Variants in PPM1H observed in about 807,000 individuals in gnomAD.
PPM1H encodes the protein protein phosphatase, Mg2+/Mn2+ dependent 1H, also known as protein phosphatase 1H.
PPM1H carries 27 observed loss-of-function variants against 54.9 expected under a neutral mutation model. The ratio of observed to expected loss-of-function variants is 0.49; its 90% CI spans 0.36 to 0.68. The LOEUF is 0.68. Ranked by LOEUF, PPM1H falls within the 30% of genes least tolerant of loss-of-function variation. The pLI is 0.00. For synonymous variants in PPM1H, 305 were observed against 270.8 expected (o/e 1.13, Z -1.24); for missense variants, 596 against 667.8 (o/e 0.89, Z 1.19).
intron 4 of PPM1H, among the ~76,000 whole-genome samples, chr12:62,773,149 AAAAACAAAACAAAAC>A (rs376689900): frequency 1.4e-4 from 22 of 152,060 alleles, no homozygotes; most frequent in Non-Finnish European, 2.2e-4. Context: ...TCCGTCTCAA[AAAAACAAAACAAAAC>A]AAAACAAAAC....
intron 4 of PPM1H, among the ~76,000 whole-genome samples, chr12:62,740,110 C>T (rs57607888): frequency 3.5e-4 from 54 of 152,332 alleles, no homozygotes; most frequent in African/African-American, 1.1e-3. Flanking sequence ...TCTCCTAATC[C>T]GAACTCCACC....
At chr12:62,847,258 G>A (rs532038248) in intron 1 of PPM1H, among the ~76,000 whole-genome samples, 40 of 152,320 alleles carry the variant, frequency 2.6e-4, no homozygotes, top group African/African-American at 8.7e-4. Flanking sequence ...AGTTCTAGGT[G>A]TTCCCAAGAC....
intron 1 of PPM1H, among the ~76,000 whole-genome samples, chr12:62,847,336 A>G (rs1056311645): frequency 2.0e-5 from 3 of 152,196 alleles, no homozygotes; most frequent in African/African-American, 4.8e-5. Flanking sequence ...ATGGCTGTCA[A>G]TTGCAAGCTA....
intron 1 of PPM1H, among the ~76,000 whole-genome samples, chr12:62,846,512 A>AATT (rs1491275246): frequency 1.6e-4 from 24 of 145,844 alleles, no homozygotes; most frequent in African/African-American, 6.0e-4. Flanking sequence ...AAAAAAAAAA[A>AATT]TTTTTTTTTT....
chr12:62,655,358 G>T (rs1283346435), intron 9 of PPM1H, among the ~76,000 whole-genome samples: 1 of 152,152 alleles, frequency 6.6e-6, no homozygotes, highest in Non-Finnish European at 1.5e-5. Context: ...CAAGACTGGG[G>T]CAAGAACAAA....
intron 4 of PPM1H, among the ~76,000 whole-genome samples, chr12:62,787,433 T>C (rs776234179): frequency 1.1e-4 from 17 of 152,172 alleles, no homozygotes; most frequent in Non-Finnish European, 1.6e-4. Context: ...ATGAAAGCGG[T>C]GGAGAAGTGT....
chr12:62,728,356 G>A (rs1397715458), intron 5 of PPM1H, among the ~76,000 whole-genome samples: 1 of 152,198 alleles, frequency 6.6e-6, no homozygotes, highest in Non-Finnish European at 1.5e-5. Flanking sequence ...TGGAACAACT[G>A]ACTGTGTCAG....
At chr12:62,768,602 C>T (rs1230644671) in intron 4 of PPM1H, among the ~76,000 whole-genome samples, 1 of 151,940 alleles carries the variant, frequency 6.6e-6, no homozygotes, top group African/African-American at 2.4e-5. Flanking sequence ...TTGCAGTGAG[C>T]CGAGATCCCG....
intron 4 of PPM1H, among the ~76,000 whole-genome samples, chr12:62,785,100 T>A (rs2076662967): frequency 6.6e-6 from 1 of 152,374 alleles, no homozygotes; most frequent in African/African-American, 2.4e-5. Context: ...TGATTTTTTT[T>A]TAAATGTTTT....
intron 9 of PPM1H, among the ~76,000 whole-genome samples, chr12:62,662,349 C>T (rs2075889241): frequency 6.6e-6 from 1 of 152,178 alleles, no homozygotes; most frequent in Non-Finnish European, 1.5e-5. Context: ...AGGCGAAAAA[C>T]ACATTCAAAT....
At chr12:62,649,918 A>G (rs1315005302) in intron 9 of PPM1H, among the ~76,000 whole-genome samples, 1 of 152,214 alleles carries the variant, frequency 6.6e-6, no homozygotes, top group Non-Finnish European at 1.5e-5. Flanking sequence ...CTGGTAAATC[A>G]TCAAGATAAT....
intron 1 of PPM1H, among the ~76,000 whole-genome samples, chr12:62,913,346 C>T (rs919376312): frequency 2.0e-5 from 3 of 152,126 alleles, no homozygotes; most frequent in African/African-American, 7.2e-5. Flanking sequence ...GTGGAAGATG[C>T]GCACATTTTC....
chr12:62,737,874 A>G (rs342161), intron 4 of PPM1H, among the ~76,000 whole-genome samples: 101,541 of 152,070 alleles, frequency 0.67, 34,056 homozygotes, highest in East Asian at 0.78. Flanking sequence ...ACAAATGCTC[A>G]GTGAATAAAT....
intron 1 of PPM1H, among the ~76,000 whole-genome samples, chr12:62,915,092 C>G (rs1439392516): frequency 6.6e-6 from 1 of 152,216 alleles, no homozygotes; most frequent in Non-Finnish European, 1.5e-5. Flanking sequence ...TGATGACATA[C>G]AAGGGCGTTC....
chr12:62,665,825 C>A (rs2075914979), intron 9 of PPM1H, among the ~76,000 whole-genome samples: 1 of 152,094 alleles, frequency 6.6e-6, no homozygotes, highest in Admixed American at 6.5e-5. Context: ...ACTGCAACCA[C>A]TGCCTCCTGG....
intron 1 of PPM1H, among the ~76,000 whole-genome samples, chr12:62,914,738 A>C (rs1321249621): frequency 6.6e-6 from 1 of 152,212 alleles, no homozygotes; most frequent in Non-Finnish European, 1.5e-5. Flanking sequence ...TTATGCTCAA[A>C]TATACTGGCC....
chr12:62,756,057 G>A, intron 4 of PPM1H: 2 of 1,270,022 alleles, frequency 1.6e-6, no homozygotes, highest in Non-Finnish European at 2.3e-6. Flanking sequence ...GGGCTACACT[G>A]AGCACCAGGT....
At chr12:62,864,119 C>T (rs2120980256) in intron 1 of PPM1H, among the ~76,000 whole-genome samples, 1 of 152,290 alleles carries the variant, frequency 6.6e-6, no homozygotes, top group East Asian at 1.9e-4. Flanking sequence ...ATCTAGTGGG[C>T]AGAGCCCAGG....
chr12:62,848,284 C>CA (rs1457653582), intron 1 of PPM1H, among the ~76,000 whole-genome samples: 1 of 152,010 alleles, frequency 6.6e-6, no homozygotes, highest in Non-Finnish European at 1.5e-5. Flanking sequence ...AACTAAGGTG[C>CA]AAAAGTTCAT....
Sources: allele counts gnomAD v4.1 joint callset (sites outside exome capture counted in the v4.1 genomes callset), GRCh38; gene constraint gnomAD v4.1.1; transcripts MANE v1.5; gene names NCBI Gene and HGNC (gene_info 2026-07-23, HGNC 2026-07-21).